Variants in AADACL2 observed in about 807,000 individuals in gnomAD.
AADACL2 encodes arylacetamide deacetylase like 2, also known as arylacetamide deacetylase-like 2.
In AADACL2, 23 loss-of-function variants were observed where a neutral mutation model predicts 22.3. The observed-to-expected ratio is 1.03, with a 90% CI of 0.74 to 1.46. AADACL2 has a LOEUF of 1.46. AADACL2 is among the 40% of genes most tolerant of loss of function. The probability of loss-of-function intolerance (pLI) is 0.00; values close to 1 mark genes in which losing one functional copy is unlikely to be tolerated. For missense variants in AADACL2, 472 were observed against 482.9 expected, an observed-to-expected ratio of 0.98 and a Z score of 0.21; for synonymous variants, 177 against 166.2, an observed-to-expected ratio of 1.07 and a Z score of -0.50.
intron 4 of AADACL2, among the ~76,000 whole-genome samples, chr3:151,749,563 C>A (rs13070462): frequency 0.41 from 61,627 of 151,654 alleles, 12,934 homozygotes; most frequent in East Asian, 0.51. Context: ...GCTCACTGCA[C>A]GCTCTGCCTC....
chr3:151,756,835 G>A (rs903757141), intron 4 of AADACL2, among the ~76,000 whole-genome samples, 157 bp from the exon 5 acceptor site: 1 of 150,470 alleles, frequency 6.6e-6, no homozygotes, highest in African/African-American at 2.4e-5. Flanking sequence ...ATTTTTTTAT[G>A]CCATGGTAAT....
intron 4 of AADACL2, among the ~76,000 whole-genome samples, chr3:151,746,801 T>C (rs1189747232): frequency 6.6e-6 from 1 of 152,170 alleles, no homozygotes. Context: ...TACTTGGTCT[T>C]GATGAATTAA....
chr3:151,752,783 A>G (rs1713719821), intron 4 of AADACL2, among the ~76,000 whole-genome samples: 1 of 152,196 alleles, frequency 6.6e-6, no homozygotes, highest in Non-Finnish European at 1.5e-5. Flanking sequence ...ATTTCAATGT[A>G]GGTAATTTAA....
intron 4 of AADACL2, among the ~76,000 whole-genome samples, chr3:151,756,405 T>G (rs1172958083): frequency 6.6e-6 from 1 of 152,134 alleles, no homozygotes; most frequent in African/African-American, 2.4e-5. Flanking sequence ...TTGGCCTTTT[T>G]TTTCTTCACC....
At chr3:151,736,069 A>G (rs1322119852) in intron 1 of AADACL2, among the ~76,000 whole-genome samples, 1 of 152,086 alleles carries the variant, frequency 6.6e-6, no homozygotes, top group Non-Finnish European at 1.5e-5. Context: ...GATTATTACT[A>G]GTGTGTTCAT....
intron 2 of AADACL2, among the ~76,000 whole-genome samples, chr3:151,741,136 G>T (rs931154911): frequency 1.6e-4 from 25 of 152,010 alleles, no homozygotes; most frequent in African/African-American, 6.0e-4. Context: ...TATATCAAAG[G>T]AAAATAGGAT....
rs774815891 is a variant in AADACL2, at chr3:151,757,205, G to T, written c.817G>T (p.Glu273Ter). The change falls in exon 5 of 5, where the codon GAG becomes TAG. Residue 273 changes from glutamate to a stop codon, truncating the protein, a stop_gained. Coordinates refer to ENST00000356517, the MANE Select transcript of AADACL2 (RefSeq NM_207365.4). LOFTEE classifies it low-confidence loss of function (END_TRUNC). ...GAGAAGAAACCAACACATGCCTCTG[G>T]AGTCAAGACATCTGTTTAAGTTTGT... Reference protein sequence around the residue: ...AMRRNQHMPLESRHLFKFVNW... With the variant: ...AMRRNQHMPL The T allele has an allele frequency of 6.2e-7, 1 of 1,613,624 alleles. No homozygotes were observed. The highest frequency in any genetic ancestry group is 1.1e-5 in the South Asian group (1 of 91,054).
intron 3 of AADACL2, 133 bp downstream of exon 3, chr3:151,744,295 T>C (rs544374768): frequency 1.0e-3 from 759 of 752,062 alleles, no homozygotes; most frequent in Non-Finnish European, 1.5e-3. Context: ...CATTGCAACA[T>C]AGACTGCTCC....
At position 151,758,412 on chromosome 3, in the gene AADACL2, C is replaced by G. The variant is rs891792751; in HGVS notation, c.*818C>G. 2 of 152,026 alleles carry G rather than the reference C, an allele frequency of 1.3e-5. No individual in the cohort carries two copies. Among genetic ancestry groups the G allele is most frequent in the East Asian group, 1.9e-4 (1 of 5,196 alleles). The allele number at this position is 152,026 out of a possible 1,614,324, so 9.4% of individuals were successfully genotyped here. On this transcript the variant is annotated 3_prime_UTR_variant, in exon 5 of 5. Coordinates refer to ENST00000356517, the MANE Select transcript of AADACL2 (RefSeq NM_207365.4). The stretch of plus-strand genomic sequence containing the variant: ...AGTCTAGGATAATCTCTGCATCTCA[C>G]GATCCTCAATTTAATTGTATTTGCA...
chr3:151,757,567 T>C lies in AADACL2; in HGVS notation c.1179T>C (p.Tyr393=), dbSNP rs866021242. 1 of 1,610,010 alleles carries C rather than the reference T, an allele frequency of 6.2e-7. No homozygotes were observed. The highest frequency in any genetic ancestry group is 1.3e-5 in the African/African-American group (1 of 74,730). The change falls in exon 5 of 5, where the codon TAT becomes TAC. Residue 393 remains tyrosine (Y), a synonymous_variant. Coordinates refer to ENST00000356517, the MANE Select transcript of AADACL2 (RefSeq NM_207365.4). ...LRLGLRIRDM[Y]VSWLDKNL is the part of the protein sequence containing the mutation. Reference sequence around the variant, plus strand: ...TAGGTCTTAGGATAAGAGATATGTATGTAAGTTGGCTGGATAAGAATTTAT... The same window carrying C: ...TAGGTCTTAGGATAAGAGATATGTACGTAAGTTGGCTGGATAAGAATTTAT...
chr3:151,745,883 C>T (rs1713427831), intron 4 of AADACL2, among the ~76,000 whole-genome samples: 1 of 152,032 alleles, frequency 6.6e-6, no homozygotes, highest in Non-Finnish European at 1.5e-5. Flanking sequence ...GTCTATCCTA[C>T]TGCCAATACT....
At chr3:151,756,520 GA>G (rs1713911408) in intron 4 of AADACL2, among the ~76,000 whole-genome samples, 1 of 151,634 alleles carries the variant, frequency 6.6e-6, no homozygotes, top group Non-Finnish European at 1.5e-5. Context: ...AAATGTTTAA[GA>G]TTTTTTTTTA....
At chr3:151,734,516 C>G (rs912730273) in intron 1 of AADACL2, among the ~76,000 whole-genome samples, 3 of 152,062 alleles carry the variant, frequency 2.0e-5, no homozygotes, top group Non-Finnish European at 2.9e-5. Flanking sequence ...CAACCTAGTC[C>G]TGTAATTATC....
intron 2 of AADACL2, 58 bp from the exon 3 acceptor site, chr3:151,744,035 C>T: frequency 6.5e-7 from 1 of 1,540,754 alleles, no homozygotes; most frequent in Non-Finnish European, 9.0e-7. Flanking sequence ...ATATCTGTAA[C>T]TGTTTCTATA....
chr3:151,738,658 A>G (rs984080602), intron 1 of AADACL2, among the ~76,000 whole-genome samples: 3 of 152,140 alleles, frequency 2.0e-5, no homozygotes, highest in African/African-American at 4.8e-5. Context: ...GTCTTTTCAC[A>G]TAGTTCCATA....
chr3:151,756,939 C>A lies in AADACL2; in HGVS notation c.604-53C>A, dbSNP rs952085717. The A allele has an allele frequency of 3.4e-6, 5 of 1,483,620 alleles. No individual in the cohort carries two copies. In the African/African-American group the frequency reaches 7.1e-5, roughly 21 times the overall value. The allele number at this position is 1,483,620 out of a possible 1,614,324, so 91.9% of individuals were successfully genotyped here. On this transcript the variant is annotated intron_variant, in intron 4 of 4. Coordinates refer to ENST00000356517, the MANE Select transcript of AADACL2 (RefSeq NM_207365.4). Reference sequence around the variant, plus strand: ...ACTGCTAGATAATTAAATTTTTTTTCTCCTGGTATTTTGGAAATGTTTGCA... The same window carrying A: ...ACTGCTAGATAATTAAATTTTTTTTATCCTGGTATTTTGGAAATGTTTGCA...
rs1209729047 is a variant in AADACL2, at chr3:151,733,994, T to C, written c.-42T>C. The C allele has an allele frequency of 6.5e-7, 1 of 1,536,054 alleles. No individual in the cohort carries two copies. The highest frequency in any genetic ancestry group is 2.4e-5 in the East Asian group (1 of 41,748). ...GTTACTATTCAGTGTTTGTGAAAAA[T>C]TTTAATCTCAGTACTGTGAAGAAGC... is the stretch of plus-strand genomic sequence containing the variant. On this transcript the variant is annotated 5_prime_UTR_variant, in exon 1 of 5. Coordinates refer to ENST00000356517, the MANE Select transcript of AADACL2 (RefSeq NM_207365.4).
chr3:151,745,688 A>C lies in AADACL2; in HGVS notation c.603+8A>C. The C allele has an allele frequency of 1.3e-6, 2 of 1,567,444 alleles. No individual in the cohort carries two copies. Among genetic ancestry groups the C allele is most frequent in the African/African-American group, 2.8e-5 (2 of 71,860 alleles). ...ACAGCGGTCACTCAACAGGTACATT[A>C]TATTTGTTTTTATGATAGGAGGCAG... On this transcript the variant is annotated splice_region_variant and intron_variant, in intron 4 of 4. Coordinates refer to ENST00000356517, the MANE Select transcript of AADACL2 (RefSeq NM_207365.4).
intron 1 of AADACL2, among the ~76,000 whole-genome samples, chr3:151,737,540 C>G (rs1282416554): frequency 6.6e-6 from 1 of 152,070 alleles, no homozygotes; most frequent in Non-Finnish European, 1.5e-5. Flanking sequence ...TCTCGTTGAT[C>G]TGTCTAATAT....
Sources: allele counts gnomAD v4.1 joint callset (sites outside exome capture counted in the v4.1 genomes callset), GRCh38; gene constraint gnomAD v4.1.1; transcripts MANE v1.5; gene names NCBI Gene and HGNC (gene_info 2026-07-23, HGNC 2026-07-21).